The following ACE variants were observed in gnomAD, a reference collection of about 807,000 sequenced individuals.
ACE encodes the protein angiotensin-converting enzyme.
ACE carries 122 observed loss-of-function variants against 162.3 expected under a neutral mutation model. The observed-to-expected ratio is 0.75, with a 90% confidence interval of 0.65 to 0.87. The LOEUF (loss-of-function observed/expected upper bound fraction) is 0.87, where lower values mean the gene tolerates loss of function less well. Ranked by LOEUF, ACE falls within the 40% of genes least tolerant of loss-of-function variation. The pLI, the probability that ACE is intolerant of heterozygous loss-of-function variation, is 0.00. For missense variants in ACE, 1,799 were observed against 1,735.1 expected, an observed-to-expected ratio of 1.04 and a Z score of -0.65; for synonymous variants, 796 against 720.6, an observed-to-expected ratio of 1.10 and a Z score of -1.68.
chr17:63,489,284 G>C, intron 17 of ACE, 152 bp downstream of exon 17: 1 of 959,666 alleles, frequency 1.0e-6, no homozygotes, highest in Non-Finnish European at 1.5e-6. Context: ...AGGGGGGTGG[G>C]CGCTGGGAGT....
At chr17:63,477,524 C>T in intron 1 of ACE, 181 bp downstream of exon 1, 1 of 322,300 alleles carries the variant, frequency 3.1e-6, no homozygotes, top group Non-Finnish European at 4.7e-6. Context: ...GCCTGCGCTC[C>T]CAGCATGCAC....
Position 63,477,271 on chromosome 17 carries a change from G to C in ACE, c.177G>C (p.Gln59His), listed in dbSNP as rs147912715. ...FAQSYNSSAE[Q>H]VLFQSVAASW... ...AGAGCTACAACTCCAGCGCCGAACAGGTGCTGTTCCAGAGCGTGGCCGCCA... is the reference window on the plus strand; with the variant it reads ...AGAGCTACAACTCCAGCGCCGAACACGTGCTGTTCCAGAGCGTGGCCGCCA... The change falls in exon 1 of 25, where the codon CAG (glutamine) becomes CAC (histidine). Residue 59 changes from glutamine (Q) to histidine (H), a missense_variant. Coordinates refer to ENST00000290866, the MANE Select transcript of ACE (RefSeq NM_000789.4). 4 of 1,487,414 alleles carry C rather than the reference G, an allele frequency of 2.7e-6. No homozygotes were observed. The highest frequency in any genetic ancestry group is 3.6e-6 in the Non-Finnish European group (4 of 1,118,588). The allele number at this position is 1,487,414 out of a possible 1,614,324, so 92.1% of individuals were successfully genotyped here.
At position 63,489,104 on chromosome 17, in the gene ACE, G is replaced by A. The variant is rs370952587; in HGVS notation, c.2613G>A (p.Leu871=). 3.1e-6 allele frequency: 5 copies of A among 1,612,088 alleles called. No individual in the cohort carries two copies. The African/African-American group carries it at 5.3e-5, about 17-fold the overall frequency. Residue 871 remains leucine, a synonymous_variant, in exon 17 of 25, where the codon CTG becomes CTA. Transcript: ENST00000290866. ...ACTACGGGGCCCAGCACATCAACCT[G>A]GAGGGGCCCATTCCTGCTCACCTGC... The part of the protein sequence containing the change: ...HRHYGAQHIN[L]EGPIPAHLLG...
chr17:63,496,974 C>T lies in ACE; in HGVS notation c.3680C>T (p.Thr1227Met), dbSNP rs762495578. 2.4e-5 allele frequency: 39 copies of T among 1,610,696 alleles called. No homozygotes were observed. Among genetic ancestry groups the T allele is most frequent in the South Asian group, 1.4e-4 (13 of 90,720 alleles). Reference protein sequence around the residue: ...EKLGWPQYNWTPNSARSEGPL... With the variant: ...EKLGWPQYNWMPNSARSEGPL... ...CTGGGCTGGCCGCAGTACAACTGGA[C>T]GCCGAACTCCGGTACCGCCACCCAC... is the stretch of plus-strand genomic sequence containing the variant. The change falls in exon 24 of 25, where the codon ACG becomes ATG. Residue 1227 changes from threonine to methionine, a missense_variant. Coordinates refer to ENST00000290866, the MANE Select transcript of ACE (RefSeq NM_000789.4).
Position 63,497,265 on chromosome 17 carries a change from C to G in ACE, c.3820C>G (p.Leu1274Val). ...GGGCATCGCCCTGCTGGTAGCCACCCTGGGCCTCAGCCAGCGGCTCTTCAG... is the reference window on the plus strand; with the variant it reads ...GGGCATCGCCCTGCTGGTAGCCACCGTGGGCCTCAGCCAGCGGCTCTTCAG... ...FLGIALLVAT[L>V]GLSQRLFSIR... Residue 1274 changes from leucine to valine, a missense_variant, in exon 25 of 25, where the codon CTG (leucine) becomes GTG (valine). Coordinates refer to ENST00000290866, the MANE Select transcript of ACE (RefSeq NM_000789.4). 6.4e-7 allele frequency: 1 copy of G among 1,566,602 alleles called. No homozygotes were observed. Among genetic ancestry groups the G allele is most frequent in the South Asian group, 1.2e-5 (1 of 85,750 alleles).
chr17:63,481,658 G>T lies in ACE; in HGVS notation c.1038G>T (p.Ser346=). 1 of 1,614,062 alleles carries T rather than the reference G, an allele frequency of 6.2e-7. No individual in the cohort carries two copies. Among genetic ancestry groups the T allele is most frequent in the South Asian group, 1.1e-5 (1 of 91,082 alleles). The part of the protein sequence containing the change: ...SPMPPEFWEG[S]MLEKPADGRE... ...TGCCTCCCGAGTTCTGGGAAGGGTC[G>T]ATGCTGGAGAAGCCGGCCGACGGGC... Residue 346 remains serine, a synonymous_variant, in exon 7 of 25, where the codon TCG becomes TCT. Transcript: ENST00000290866.
At position 63,495,769 on chromosome 17, in the gene ACE, C is replaced by T. The variant is rs150761118; in HGVS notation, c.3381-625C>T. On this transcript the variant is annotated intron_variant, in intron 22 of 24. Transcript: ENST00000290866. ...ACTTGGCTGCTCTAGAAAAACATTCCGGATTCTGGCCAGCAGCCTTCACAA... is the reference window on the plus strand; with the variant it reads ...ACTTGGCTGCTCTAGAAAAACATTCTGGATTCTGGCCAGCAGCCTTCACAA... Among the ~76,000 whole-genome samples the T allele has an allele frequency of 3.0e-3, 461 of 152,344 alleles. 6 individuals carry two copies. The highest frequency in any genetic ancestry group is 0.01 in the African/African-American group (431 of 41,568).
At chr17:63,494,563 A>G (rs2030613224) in intron 22 of ACE, 93 bp downstream of exon 22, 2 of 1,199,144 alleles carry the variant, frequency 1.7e-6, no homozygotes, top group Non-Finnish European at 2.4e-6. Flanking sequence ...AAGCTCTGTC[A>G]GTCAGGGCAG....
chr17:63,494,487 G>A lies in ACE; in HGVS notation c.3380+17G>A, dbSNP rs768233162. On this transcript the variant is annotated intron_variant, in intron 22 of 24. Transcript: ENST00000290866. ...TTACATCAGGTAACGGGAAAGGCAG[G>A]AGGGCACATTGTGAGGGGCAGTACC... 6 of 1,604,446 alleles carry A rather than the reference G, an allele frequency of 3.7e-6. No homozygotes were observed. Among genetic ancestry groups the A allele is most frequent in the African/African-American group, 1.3e-5 (1 of 74,734 alleles).
At chr17:63,480,005 G>A in intron 4 of ACE, 93 bp downstream of exon 4, 1 of 1,517,556 alleles carries the variant, frequency 6.6e-7, no homozygotes, top group South Asian at 1.2e-5. Context: ...CAGAGCAGCT[G>A]GTATGACAAT....
chr17:63,490,091 T>G (rs1056832861), intron 17 of ACE: 7 of 152,490 alleles, frequency 4.6e-5, no homozygotes, highest in African/African-American at 1.7e-4. Context: ...TCTGGCTCTC[T>G]CCCTGGCTCT....
At chr17:63,489,259 G>A (rs1274367757) in intron 17 of ACE, 127 bp downstream of exon 17, 8 of 1,220,270 alleles carry the variant, frequency 6.6e-6, no homozygotes, top group Non-Finnish European at 9.1e-6. Flanking sequence ...TGTGGGGGAT[G>A]GTTGCCCAGG....
chr17:63,488,577 A>G (rs779369339), intron 15 of ACE, 71 bp from the exon 16 acceptor site: 24 of 1,524,308 alleles, frequency 1.6e-5, no homozygotes, highest in Middle Eastern at 1.7e-4. Flanking sequence ...CAGCTCTGAA[A>G]TTCTCTGAGC....
intron 21 of ACE, 104 bp downstream of exon 21, chr17:63,494,170 G>A (rs1441159062): frequency 7.1e-6 from 10 of 1,403,052 alleles, no homozygotes; most frequent in Admixed American, 1.9e-5. Flanking sequence ...GTGTGTGTGT[G>A]TACACTATTG....
At position 63,491,379 on chromosome 17, in the gene ACE, C is replaced by A; in HGVS notation, c.2910C>A (p.Phe970Leu). The A allele has an allele frequency of 6.2e-7, 1 of 1,614,104 alleles. No individual in the cohort carries two copies. ...SAWDFYNGKD[F>L]RIKQCTTVNL... ...GGGACTTCTACAACGGCAAGGACTT[C>A]CGGTACATCCAGCTAGGGCTCAGGT... Residue 970 changes from phenylalanine to leucine, a missense_variant and splice_region_variant, in exon 19 of 25, where the codon TTC (phenylalanine) becomes TTA (leucine). Physicochemically the swap from Phe to Leu is conservative, Grantham distance 22 (BLOSUM62 0). Coordinates refer to ENST00000290866, the MANE Select transcript of ACE (RefSeq NM_000789.4). The surrounding 1 kb of genome is among the most constrained non-coding windows in gnomAD (Gnocchi z 4.4).
At chr17:63,485,688 T>C (rs2029888235) in intron 13 of ACE, 3 of 362,060 alleles carry the variant, frequency 8.3e-6, no homozygotes, top group South Asian at 6.3e-5. Flanking sequence ...GGCAGGAGAA[T>C]GGCATGAACC....
chr17:63,479,617 C>T (rs2049673817), intron 3 of ACE, 152 bp from the exon 4 acceptor site: 1 of 1,021,776 alleles, frequency 9.8e-7, no homozygotes, highest in Non-Finnish European at 1.5e-6. Flanking sequence ...CAGCCCCCTC[C>T]CACCAGGCCT....
chr17:63,491,468 G>T lies in ACE; in HGVS notation c.2912+87G>T. Reference sequence around the variant, plus strand: ...GCAAAGGGTCCACTACTGTCCCCCAGCTGGAGCCAGCAGGGCAGGATGGGG... The same window carrying T: ...GCAAAGGGTCCACTACTGTCCCCCATCTGGAGCCAGCAGGGCAGGATGGGG... On this transcript the variant is annotated intron_variant, in intron 19 of 24. Transcript: ENST00000290866. The surrounding 1 kb of genome is among the most constrained non-coding windows in gnomAD (Gnocchi z 4.4). 6.4e-7 allele frequency: 1 copy of T among 1,558,138 alleles called. No individual in the cohort carries two copies. Among genetic ancestry groups the T allele is most frequent in the Non-Finnish European group, 8.8e-7 (1 of 1,136,522 alleles).
intron 22 of ACE, among the ~76,000 whole-genome samples, chr17:63,495,721 C>T (rs768305312): frequency 5.9e-5 from 9 of 152,218 alleles, no homozygotes; most frequent in Non-Finnish European, 1.2e-4. Flanking sequence ...AGACAATTCT[C>T]CAAACAGGGG....
Sources: allele counts gnomAD v4.1 joint callset (sites outside exome capture counted in the v4.1 genomes callset), GRCh38; gene constraint gnomAD v4.1.1; non-coding constraint Gnocchi (gnomAD v3.1); transcripts MANE v1.5; gene names NCBI Gene and HGNC (gene_info 2026-07-23, HGNC 2026-07-21).